The following SNRPN variants were observed in gnomAD, a reference collection of about 807,000 sequenced individuals.
SNRPN encodes the protein small nuclear ribonucleoprotein polypeptide N.
In SNRPN, 7 loss-of-function variants were observed where a neutral mutation model predicts 25.2. The observed-to-expected ratio is 0.28, with a 90% confidence interval of 0.16 to 0.52. SNRPN has a LOEUF of 0.52. SNRPN is among the 20% of genes least tolerant of loss of function. SNRPN has a pLI of 0.96. For missense variants in SNRPN, 196 were observed against 322.5 expected (o/e 0.61, Z 3.00); for synonymous variants, 124 against 110.6 (o/e 1.12, Z -0.76).
chr15:24,912,564 G>A (rs1271451012), intron 2 of SNRPN: 2 of 152,164 alleles, frequency 1.3e-5, no homozygotes, highest in Admixed American at 6.5e-5. Context: ...GTCATGGCAA[G>A]GGTGGAGTGC....
At chr15:24,911,450 C>A (rs1595857016) in intron 2 of SNRPN, among the ~76,000 whole-genome samples, 2 of 152,130 alleles carry the variant, frequency 1.3e-5, no homozygotes, top group South Asian at 2.1e-4. Flanking sequence ...GCCCAGGATT[C>A]CAGTGCAACC....
chr15:24,848,156 T>C (rs2052371442), intron 2 of SNRPN, among the ~76,000 whole-genome samples: 1 of 145,954 alleles, frequency 6.9e-6, no homozygotes, highest in African/African-American at 2.5e-5. Context: ...AATGCGCCAC[T>C]GTCCGGTGCG....
At position 24,882,823 on chromosome 15, in the gene SNRPN, C is replaced by CAAAAAAAAAAAAAAAAAAA. The variant is rs10543501; in HGVS notation, c.-578-3682_-578-3681insAAAAAAAAAAAAAAAAAAA. Among the ~76,000 whole-genome samples, 39 of 127,040 alleles carry CAAAAAAAAAAAAAAAAAAA rather than the reference C, an allele frequency of 3.1e-4. 1 individual carries two copies. Among genetic ancestry groups the CAAAAAAAAAAAAAAAAAAA allele is most frequent in the East Asian group, 9.3e-4 (4 of 4,314 alleles). The allele number at this position is 127,040 out of a possible 152,430, so 83.3% of individuals were successfully genotyped here. On this transcript the variant is annotated intron_variant, in intron 1 of 11. Transcript: ENST00000400097. ...TGGGCGACAGAGCGAGACTCCATCTCAAAAAAAAAAATATATATATATATA... is the reference window on the plus strand; with the variant it reads ...TGGGCGACAGAGCGAGACTCCATCTCAAAAAAAAAAAAAAAAAAAAAAAAAAAAAATATATATATATATA...
At chr15:24,957,256 G>GT (rs2063089338) in intron 1 of SNRPN, among the ~76,000 whole-genome samples, 1 of 152,180 alleles carries the variant, frequency 6.6e-6, no homozygotes, top group South Asian at 2.1e-4. Context: ...CCCGACTAAG[G>GT]TTGAAAGGTG....
intron 2 of SNRPN, among the ~76,000 whole-genome samples, chr15:24,887,365 C>G (rs772655573): frequency 2.0e-5 from 3 of 152,042 alleles, no homozygotes; most frequent in Non-Finnish European, 4.4e-5. Flanking sequence ...CCAGGCTGCT[C>G]TCAAACTCCT....
intron 2 of SNRPN, chr15:24,966,910 G>GGTTACTGATTCATAGGGGTA (rs1381880175): frequency 2.0e-4 from 31 of 152,194 alleles, no homozygotes; most frequent in African/African-American, 6.7e-4. Flanking sequence ...TTCACAGCCA[G>GGTTACTGATTCATAGGGGTA]GTTACTGATT....
intron 2 of SNRPN, among the ~76,000 whole-genome samples, chr15:24,896,204 A>C (rs544309574): frequency 7.9e-5 from 12 of 152,326 alleles, no homozygotes; most frequent in African/African-American, 2.9e-4. Context: ...CCTGAGGTAC[A>C]GTAGGTGGTG....
chr15:24,974,696 C>T, intron 4 of SNRPN: 1 of 612,098 alleles, frequency 1.6e-6, no homozygotes, highest in Non-Finnish European at 2.9e-6. Flanking sequence ...TCTTGGCTCA[C>T]TGCAACCCTG....
chr15:24,896,901 C>T (rs2058113406), intron 2 of SNRPN, among the ~76,000 whole-genome samples: 1 of 152,030 alleles, frequency 6.6e-6, no homozygotes, highest in Admixed American at 6.6e-5. Flanking sequence ...CCTGTAATCC[C>T]ATCACTTTGG....
At chr15:24,882,849 G>A (rs1229653357) in intron 1 of SNRPN, among the ~76,000 whole-genome samples, 1 of 138,388 alleles carries the variant, frequency 7.2e-6, no homozygotes, top group African/African-American at 2.7e-5. Context: ...TATATATATA[G>A]TGAGTTGAAA....
chr15:24,888,604 G>A (rs1166839095), intron 2 of SNRPN, among the ~76,000 whole-genome samples: 1 of 152,086 alleles, frequency 6.6e-6, no homozygotes, highest in South Asian at 2.1e-4. Context: ...TATTTTCCTA[G>A]ATGTTGCTGC....
At chr15:24,928,254 T>A (rs1236782571) in intron 3 of SNRPN, among the ~76,000 whole-genome samples, 5 of 152,088 alleles carry the variant, frequency 3.3e-5, no homozygotes, top group Non-Finnish European at 7.3e-5. Context: ...TAAATCAGTG[T>A]ATTGAAGAGA....
intron 3 of SNRPN, among the ~76,000 whole-genome samples, chr15:24,937,340 TACAAAACAAA>T (rs920138162): frequency 6.6e-6 from 1 of 152,090 alleles, no homozygotes; most frequent in Non-Finnish European, 1.5e-5. Context: ...ACCCTGTATT[TACAAAACAAA>T]ACAAAACAAA....
intron 1 of SNRPN, among the ~76,000 whole-genome samples, chr15:24,825,669 TAA>T (rs1196403707): frequency 6.6e-6 from 1 of 152,112 alleles, no homozygotes; most frequent in Non-Finnish European, 1.5e-5. Context: ...TAGCCTGTCT[TAA>T]GAGTGCTCAG....
At chr15:24,876,947 G>A (rs375161165) in intron 1 of SNRPN, among the ~76,000 whole-genome samples, 3 of 152,162 alleles carry the variant, frequency 2.0e-5, no homozygotes, top group African/African-American at 7.2e-5. Context: ...ATTTAATGCC[G>A]TGTCAATGTG....
intron 2 of SNRPN, among the ~76,000 whole-genome samples, chr15:24,833,868 A>T (rs4028395): frequency 0.56 from 85,355 of 151,948 alleles, 24,378 homozygotes; most frequent in East Asian, 0.83. Context: ...CAGCCTCTTG[A>T]TCTTTCCTGG....
chr15:24,955,606 G>T (rs866784390), intron 1 of SNRPN, among the ~76,000 whole-genome samples: 1 of 149,602 alleles, frequency 6.7e-6, no homozygotes, highest in African/African-American at 2.5e-5. Flanking sequence ...GGGCGACTGG[G>T]GGGGGAATTC....
At chr15:24,965,383 A>G (rs371011979) in intron 2 of SNRPN, among the ~76,000 whole-genome samples, 7 of 152,182 alleles carry the variant, frequency 4.6e-5, no homozygotes, top group Admixed American at 2.6e-4. Context: ...AGAAAAATAA[A>G]AAAATCAGCC....
chr15:24,931,922 T>A (rs2060898486), intron 3 of SNRPN, among the ~76,000 whole-genome samples: 1 of 140,306 alleles, frequency 7.1e-6, no homozygotes, highest in African/African-American at 2.7e-5. Context: ...AGTTGAGTTG[T>A]GGGGTAGGGT....
Sources: gnomAD v4.1 joint callset for allele counts (sites outside exome capture counted in the v4.1 genomes callset) on GRCh38, gnomAD v4.1.1 for gene constraint, MANE v1.5 for transcripts, NCBI Gene and HGNC (gene_info 2026-07-23, HGNC 2026-07-21) for gene names.